The following SLC25A20 variants were observed in gnomAD, a reference collection of about 807,000 sequenced individuals.
The protein encoded by SLC25A20 is mitochondrial carnitine/acylcarnitine carrier protein.
SLC25A20 carries 29 observed loss-of-function variants against 39.7 expected under a neutral mutation model. That is an observed-to-expected ratio of 0.73 (90% confidence interval 0.54 to 1.00). The LOEUF (loss-of-function observed/expected upper bound fraction) is 1.00. Among genes scored for constraint, SLC25A20 ranks in the 50% least tolerant of loss-of-function variants. SLC25A20 has a pLI of 0.00. For missense variants in SLC25A20, 333 were observed against 379.9 expected, an observed-to-expected ratio of 0.88 and a Z score of 1.03; for synonymous variants, 103 against 142.2, an observed-to-expected ratio of 0.72 and a Z score of 1.96.
chr3:48,883,946 T>C (rs1380182356), intron 3 of SLC25A20, 51 bp downstream of exon 3: 1 of 1,606,492 alleles, frequency 6.2e-7, no homozygotes, highest in South Asian at 1.1e-5. Flanking sequence ...TTTTAACCCA[T>C]GTCACGCTAC....
In SLC25A20 at chr3:48,898,863, G is replaced by A. The variant is rs1446020090; in HGVS notation, c.-69C>T. ...CTGGCTTCTCAGCCCCAGCTGCAGT[G>A]CCGGCGCCGCCGACCTTTCACCCAC... On this transcript the variant is annotated 5_prime_UTR_variant, in exon 1 of 9. Transcript: ENST00000319017. 5 of 1,450,618 alleles carry A rather than the reference G, an allele frequency of 3.4e-6. No homozygotes were observed. The highest frequency in any genetic ancestry group is 2.8e-5 in the African/African-American group (2 of 70,966). 89.9% of individuals were successfully genotyped at this position (1,450,618 alleles called of 1,614,324 possible).
At chr3:48,891,020 T>C (rs1052414835) in intron 2 of SLC25A20, among the ~76,000 whole-genome samples, 1 of 152,052 alleles carries the variant, frequency 6.6e-6, no homozygotes, top group Admixed American at 6.6e-5. Flanking sequence ...CCAGTCTCCA[T>C]GTCTTGGTAG....
chr3:48,878,273 AATATATATAT>A (rs201286551), intron 4 of SLC25A20, among the ~76,000 whole-genome samples: 33 of 127,616 alleles, frequency 2.6e-4, no homozygotes, highest in Middle Eastern at 3.9e-3. Context: ...AAAAAAAAAA[AATATATATAT>A]ATATATATAT....
At chr3:48,874,292 TAAATAAATAAATAA>T (rs2083738889) in intron 4 of SLC25A20, among the ~76,000 whole-genome samples, 1 of 151,706 alleles carries the variant, frequency 6.6e-6, no homozygotes, top group Non-Finnish European at 1.5e-5. Context: ...ACTCCATCTC[TAAATAAATAAATAA>T]AAATAAAAAA....
chr3:48,857,866 G>GCAA, intron 8 of SLC25A20, 94 bp from the exon 9 acceptor site: 2 of 1,149,948 alleles, frequency 1.7e-6, no homozygotes, highest in Non-Finnish European at 2.6e-6. Context: ...GTCAGGACCA[G>GCAA]AGCCCCTCCC....
intron 4 of SLC25A20, among the ~76,000 whole-genome samples, chr3:48,869,392 A>T (rs1270555239): frequency 6.6e-6 from 1 of 152,038 alleles, no homozygotes; most frequent in Non-Finnish European, 1.5e-5. Context: ...TCACACCTGT[A>T]CTCCCAGCAC....
At chr3:48,882,722 C>T (rs1387794352) in intron 3 of SLC25A20, among the ~76,000 whole-genome samples, 1 of 151,934 alleles carries the variant, frequency 6.6e-6, no homozygotes, top group Non-Finnish European at 1.5e-5. Flanking sequence ...CCGACCATTG[C>T]TAAAAAAAAT....
chr3:48,865,207 A>T (rs1281834696), intron 4 of SLC25A20, among the ~76,000 whole-genome samples: 2 of 151,512 alleles, frequency 1.3e-5, no homozygotes, highest in Non-Finnish European at 2.9e-5. Context: ...AGCTCACTGC[A>T]ACCTCCGCCT....
chr3:48,857,325 T>C lies in SLC25A20; in HGVS notation c.*385A>G, dbSNP rs2083587207. 7.5e-6 allele frequency: 2 copies of C among 268,246 alleles called. No homozygotes were observed. The highest frequency in any genetic ancestry group is 4.9e-5 in the Admixed American group (1 of 20,466). The allele number at this position is 268,246 out of a possible 1,614,324, so 16.6% of individuals were successfully genotyped here. ...AAGATCTCAGCTCCTGGTGATCTGGTTGAAAATATGCACAGTGCCTCCAGT... is the reference window on the plus strand; with the variant it reads ...AAGATCTCAGCTCCTGGTGATCTGGCTGAAAATATGCACAGTGCCTCCAGT... On this transcript the variant is annotated 3_prime_UTR_variant, in exon 9 of 9. Coordinates refer to ENST00000319017, the MANE Select transcript of SLC25A20 (RefSeq NM_000387.6).
chr3:48,865,956 C>A (rs2083664757), intron 4 of SLC25A20, among the ~76,000 whole-genome samples: 1 of 150,582 alleles, frequency 6.6e-6, no homozygotes, highest in Non-Finnish European at 1.5e-5. Context: ...TGGTGAAACC[C>A]CGTCTCTACT....
chr3:48,871,682 G>A (rs917743716), intron 4 of SLC25A20, among the ~76,000 whole-genome samples: 1 of 150,816 alleles, frequency 6.6e-6, no homozygotes, highest in Non-Finnish European at 1.5e-5. Flanking sequence ...CAGGAGAATC[G>A]CTTGAACCCG....
chr3:48,896,106 C>T (rs928908925), intron 1 of SLC25A20, among the ~76,000 whole-genome samples: 16 of 149,524 alleles, frequency 1.1e-4, no homozygotes, highest in Non-Finnish European at 5.9e-5. Context: ...TGCCACTGTA[C>T]TCCAGCCTGG....
At chr3:48,860,977 C>T (rs2083622671) in intron 5 of SLC25A20, among the ~76,000 whole-genome samples, 1 of 151,298 alleles carries the variant, frequency 6.6e-6, no homozygotes, top group Non-Finnish European at 1.5e-5. Context: ...GGGATGCATG[C>T]GCCACCACGC....
intron 5 of SLC25A20, 22 bp downstream of exon 5, chr3:48,862,520 A>G: frequency 6.6e-7 from 1 of 1,523,454 alleles, no homozygotes. Context: ...AGGTGACCTC[A>G]AGTGGAGGCC....
chr3:48,866,869 C>T (rs182720350), intron 4 of SLC25A20, among the ~76,000 whole-genome samples: 36 of 152,218 alleles, frequency 2.4e-4, no homozygotes, highest in Admixed American at 1.8e-3. Context: ...TCTCGACTCA[C>T]GGCAACCTCT....
chr3:48,858,656 A>T (rs1178004965), intron 7 of SLC25A20, 25 bp from the exon 8 acceptor site: 3 of 1,613,928 alleles, frequency 1.9e-6, no homozygotes, highest in Non-Finnish European at 2.5e-6. Flanking sequence ...CCAATTTTTA[A>T]GGCTTCAGGA....
rs781601028 is a variant in SLC25A20 at position 48,894,435 on chromosome 3, A to AT, written c.106-2364dup. On this transcript the variant is annotated intron_variant, in intron 1 of 8. Transcript: ENST00000319017. ...GCCACCACACCCAGGTAACTTTTGCATTTTTTTTTTTTTTTTTAGTAGAGA... is the reference window on the plus strand; with the variant it reads ...GCCACCACACCCAGGTAACTTTTGCATTTTTTTTTTTTTTTTTTAGTAGAGA... Among the ~76,000 whole-genome samples the AT allele has an allele frequency of 4.9e-3, 578 of 118,476 alleles. 3 individuals carry two copies. The highest frequency in any genetic ancestry group is 0.022 in the East Asian group (86 of 3,956). 77.7% of individuals were successfully genotyped at this position (118,476 alleles called of 152,430 possible). A position where few individuals can be genotyped will look rare whatever the true frequency, so the allele number is the denominator to read the frequency against.
At chr3:48,865,165 G>A (rs965523806) in intron 4 of SLC25A20, among the ~76,000 whole-genome samples, 1 of 150,548 alleles carries the variant, frequency 6.6e-6, no homozygotes, top group South Asian at 2.1e-4. Context: ...GTCTTGCTCT[G>A]TCACCAGGCT....
chr3:48,882,639 C>T (rs1010902395), intron 3 of SLC25A20, among the ~76,000 whole-genome samples: 1 of 152,124 alleles, frequency 6.6e-6, no homozygotes, highest in African/African-American at 2.4e-5. Context: ...AAGAGAATTG[C>T]TTGGCTCCAG....
Sources: allele counts gnomAD v4.1 joint callset (sites outside exome capture counted in the v4.1 genomes callset), GRCh38; gene constraint gnomAD v4.1.1; transcripts MANE v1.5; gene names NCBI Gene and HGNC (gene_info 2026-07-23, HGNC 2026-07-21).